Variants in KIAA1549L observed in about 807,000 individuals in gnomAD.
KIAA1549L encodes the protein UPF0606 protein KIAA1549L.
In KIAA1549L, 88 loss-of-function variants were observed where a neutral mutation model predicts 160.7. The observed-to-expected ratio is 0.55, with a 90% CI of 0.46 to 0.65. The LOEUF (loss-of-function observed/expected upper bound fraction) is 0.65, where lower values mean the gene tolerates loss of function less well. KIAA1549L is among the 30% of genes least tolerant of loss of function. The probability of loss-of-function intolerance (pLI) is 0.00; values close to 1 mark genes in which losing one functional copy is unlikely to be tolerated. For synonymous variants in KIAA1549L, 950 were observed against 976.7 expected, an observed-to-expected ratio of 0.97 and a Z score of 0.51; for missense variants, 2,258 against 2,437.5, an observed-to-expected ratio of 0.93 and a Z score of 1.55.
In KIAA1549L at chr11:33,609,804, G is replaced by A. The variant is rs565978185; in HGVS notation, c.5117G>A (p.Arg1706His). The A allele has an allele frequency of 1.7e-5, 27 of 1,613,570 alleles. No individual in the cohort carries two copies. Among genetic ancestry groups the A allele is most frequent in the African/African-American group, 5.3e-5 (4 of 75,020 alleles). The stretch of plus-strand genomic sequence containing the variant: ...ATCGAGCACTATCGGAACAAGCTGC[G>A]CCTCAAAGCCAAGAGGAAGGGATAT... ...SDIEHYRNKLRLKAKRKGYYD... is the reference protein window; with the variant it reads ...SDIEHYRNKLHLKAKRKGYYD... The change falls in exon 15 of 21, where the codon CGC becomes CAC. Residue 1706 changes from arginine to histidine, a missense_variant. This residue lies in a region of KIAA1549L where 1,359 missense variants were observed against 1,546.6 expected (regional missense o/e 0.88). Transcript: ENST00000658780.
chr11:33,392,512 T>G (rs1850290602), intron 1 of KIAA1549L, among the ~76,000 whole-genome samples: 1 of 152,234 alleles, frequency 6.6e-6, no homozygotes, highest in Non-Finnish European at 1.5e-5. Flanking sequence ...TGAGTACATT[T>G]TCTTGAGTTT....
intron 7 of KIAA1549L, among the ~76,000 whole-genome samples, chr11:33,560,994 A>G (rs570587708): frequency 6.6e-6 from 1 of 152,328 alleles, no homozygotes; most frequent in African/African-American, 2.4e-5. Flanking sequence ...TTTATTTCTG[A>G]AAACAACTAC....
chr11:33,448,402 C>T (rs1204646086), intron 1 of KIAA1549L, among the ~76,000 whole-genome samples: 1 of 152,076 alleles, frequency 6.6e-6, no homozygotes, highest in Non-Finnish European at 1.5e-5. Flanking sequence ...AAATACATTT[C>T]CTTGCTGCAG....
chr11:33,490,792 A>G (rs969346352), intron 1 of KIAA1549L, among the ~76,000 whole-genome samples: 1 of 152,198 alleles, frequency 6.6e-6, no homozygotes, highest in Admixed American at 6.5e-5. Flanking sequence ...CTCAAACTCT[A>G]AAATGCCCGT....
intron 1 of KIAA1549L, among the ~76,000 whole-genome samples, chr11:33,449,377 C>A (rs1341284601): frequency 6.6e-6 from 1 of 152,048 alleles, no homozygotes. Flanking sequence ...GAGGAAGATT[C>A]TCATTTATTA....
chr11:33,588,731 TCCCTCAGCAAA>T (rs1325218536), intron 11 of KIAA1549L, among the ~76,000 whole-genome samples: 1 of 152,158 alleles, frequency 6.6e-6, no homozygotes, highest in African/African-American at 2.4e-5. Context: ...GAGACCACCT[TCCCTCAGCAAA>T]CCCTATTTCA....
At chr11:33,490,300 T>G (rs1444470166) in intron 1 of KIAA1549L, among the ~76,000 whole-genome samples, 1 of 151,812 alleles carries the variant, frequency 6.6e-6, no homozygotes, top group African/African-American at 2.4e-5. Context: ...AGTATGGAAG[T>G]TGACAGAACT....
chr11:33,442,905 C>T (rs1590248381), intron 1 of KIAA1549L, among the ~76,000 whole-genome samples: 1 of 151,986 alleles, frequency 6.6e-6, no homozygotes, highest in Non-Finnish European at 1.5e-5. Flanking sequence ...TCTTTAGGTC[C>T]ATCTTATGGT....
At chr11:33,580,538 C>G (rs1271451064) in intron 10 of KIAA1549L, among the ~76,000 whole-genome samples, 1 of 139,458 alleles carries the variant, frequency 7.2e-6, no homozygotes, top group African/African-American at 2.7e-5. Flanking sequence ...CGTGCCATTA[C>G]TCCAGGCTGG....
intron 1 of KIAA1549L, among the ~76,000 whole-genome samples, chr11:33,466,802 G>A (rs944607488): frequency 1.3e-4 from 20 of 152,242 alleles, no homozygotes; most frequent in African/African-American, 4.8e-4. Context: ...AAAAGTATGA[G>A]TTCATGTCCT....
rs56310347 is a variant in KIAA1549L at position 33,633,139 on chromosome 11, C to CTTTTTTTT, written c.5410-12523_5410-12516dup. Among the ~76,000 whole-genome samples the CTTTTTTTT allele has an allele frequency of 2.9e-3, 149 of 50,740 alleles. 2 individuals are homozygous for CTTTTTTTT. The highest frequency in any genetic ancestry group is 5.9e-3 in the African/African-American group (70 of 11,776). The allele number at this position is 50,740 out of a possible 152,430, so 33.3% of individuals were successfully genotyped here. ...GACAGGTGCCCACCACCATGCCCAG[C>CTTTTTTTT]TTTTTTTTTTTTTTTTTTTTTTTTT... On this transcript the variant is annotated intron_variant, in intron 16 of 20. Coordinates refer to ENST00000658780, the MANE Select transcript of KIAA1549L (RefSeq NM_012194.3).
At chr11:33,407,049 T>C (rs1350223191) in intron 1 of KIAA1549L, among the ~76,000 whole-genome samples, 1 of 151,840 alleles carries the variant, frequency 6.6e-6, no homozygotes, top group East Asian at 1.9e-4. Flanking sequence ...TCTATCTAGG[T>C]AGATGTGGAG....
intron 20 of KIAA1549L, among the ~76,000 whole-genome samples, chr11:33,661,488 C>G (rs1297871752): frequency 6.6e-6 from 1 of 152,200 alleles, no homozygotes; most frequent in Non-Finnish European, 1.5e-5. Context: ...AATTCAAACC[C>G]ACACCTGTTT....
intron 16 of KIAA1549L, among the ~76,000 whole-genome samples, chr11:33,621,214 C>T (rs996213012): frequency 6.6e-6 from 1 of 152,154 alleles, no homozygotes; most frequent in Admixed American, 6.5e-5. Context: ...ATCTTAGCAC[C>T]AGGACTGTAG....
At chr11:33,546,176 A>G (rs1171097503) in intron 3 of KIAA1549L, among the ~76,000 whole-genome samples, 3 of 152,254 alleles carry the variant, frequency 2.0e-5, no homozygotes, top group African/African-American at 7.2e-5. Context: ...GAATGCTCAC[A>G]TCCTGCCTTC....
rs201608678 is a variant in KIAA1549L at position 33,559,823 on chromosome 11, C to T, written c.3930C>T (p.Asn1310=). Residue 1310 remains asparagine, a synonymous_variant, in exon 7 of 21, where the codon AAC becomes AAT. Transcript: ENST00000658780. ...YVVGNQSTFL[N]GTVASSLLSQ... Reference sequence around the variant, plus strand: ...TGGGCAATCAGAGCACATTCCTCAACGGCACCGTCGCCAGCAGCCTCCTCA... The same window carrying T: ...TGGGCAATCAGAGCACATTCCTCAATGGCACCGTCGCCAGCAGCCTCCTCA... The T allele has an allele frequency of 5.9e-5, 96 of 1,613,970 alleles. No individual in the cohort carries two copies. The highest frequency in any genetic ancestry group is 4.9e-4 in the South Asian group (45 of 91,080).
chr11:33,608,300 A>C (rs777026220), intron 14 of KIAA1549L, among the ~76,000 whole-genome samples: 4 of 152,268 alleles, frequency 2.6e-5, no homozygotes, highest in Non-Finnish European at 4.4e-5. Flanking sequence ...CACTTTGATG[A>C]TGATGATAAT....
chr11:33,449,269 T>C (rs1851674834), intron 1 of KIAA1549L, among the ~76,000 whole-genome samples: 1 of 152,190 alleles, frequency 6.6e-6, no homozygotes, highest in Admixed American at 6.5e-5. Context: ...CTAGAGATTG[T>C]TTCTGCAAAA....
rs1340560437 is a variant in KIAA1549L, at chr11:33,500,685, AT to A, written c.239-41116del. 9.2e-5 allele frequency among the ~76,000 whole-genome samples: 14 copies of A among 152,292 alleles called. No individual in the cohort carries two copies. In the South Asian group the frequency reaches 1.7e-3, roughly 18 times the overall value. ...GAATGGTCCCAACACAAAGAAAAAA[AT>A]AAATGTTTAAAATTATGGATATTCC... On this transcript the variant is annotated intron_variant, in intron 1 of 20. Coordinates refer to ENST00000658780, the MANE Select transcript of KIAA1549L (RefSeq NM_012194.3).
Sources: allele counts gnomAD v4.1 joint callset (sites outside exome capture counted in the v4.1 genomes callset), GRCh38; gene constraint gnomAD v4.1.1; regional missense constraint gnomAD v4.1.1; transcripts MANE v1.5; gene names NCBI Gene and HGNC (gene_info 2026-07-23, HGNC 2026-07-21).